The following BCL2L14 variants were observed in gnomAD, a reference collection of about 807,000 sequenced individuals.
The protein encoded by BCL2L14 is BCL2 like 14.
BCL2L14 carries 27 observed loss-of-function variants against 35.3 expected under a neutral mutation model. The ratio of observed to expected loss-of-function variants is 0.76; its 90% CI spans 0.56 to 1.05. The LOEUF (loss-of-function observed/expected upper bound fraction) is 1.05. BCL2L14 is among the 50% of genes least tolerant of loss of function. The pLI, the probability that BCL2L14 is intolerant of heterozygous loss-of-function variation, is 0.00. For synonymous variants in BCL2L14, 139 were observed against 145.9 expected, an observed-to-expected ratio of 0.95 and a Z score of 0.34; for missense variants, 377 against 382.6, an observed-to-expected ratio of 0.99 and a Z score of 0.12.
At chr12:12,066,715 A>AT (rs1308425590), upstream of BCL2L14, among the ~76,000 whole-genome samples, 26 of 149,718 alleles carry the variant, frequency 1.7e-4, no homozygotes, top group South Asian at 4.6e-3. Flanking sequence ...TATTATTATT[A>AT]TTTTTTTTTT....
At chr12:12,070,341 C>T (rs1332568136), upstream of BCL2L14, among the ~76,000 whole-genome samples, 1 of 152,204 alleles carries the variant, frequency 6.6e-6, no homozygotes, top group Non-Finnish European at 1.5e-5. Flanking sequence ...GCCTCAGTTT[C>T]CTCATCTGTG....
chr12:12,078,054 A>ATGCT, intron 1 of BCL2L14: 1 of 382,060 alleles, frequency 2.6e-6, no homozygotes, highest in South Asian at 1.9e-5. Context: ...TAAAGAAGAA[A>ATGCT]TGCTTGCATC....
chr12:12,075,861 T>C (rs1948769839), intron 1 of BCL2L14, among the ~76,000 whole-genome samples: 1 of 152,076 alleles, frequency 6.6e-6, no homozygotes, highest in Non-Finnish European at 1.5e-5. Flanking sequence ...AGCTGCCTTC[T>C]TGTGGTCATT....
intron 2 of BCL2L14, among the ~76,000 whole-genome samples, chr12:12,082,669 T>C (rs1276892809): frequency 6.6e-6 from 1 of 152,228 alleles, no homozygotes; most frequent in Admixed American, 6.5e-5. Flanking sequence ...AACACTTAGG[T>C]GATGTGTTAA....
rs183969279 is a variant in BCL2L14 at position 12,098,251 on chromosome 12, G to A, written c.946-699G>A. Among the ~76,000 whole-genome samples the A allele has an allele frequency of 7.0e-3, 1,066 of 152,186 alleles. 4 individuals are homozygous for A. Among genetic ancestry groups the A allele is most frequent in the Admixed American group, 0.012 (177 of 15,274 alleles). ...TCTCTGCTGTCCTTGTAGTAGTGTG[G>A]GAGGAGAGAAATCTAGTCCCATGCA... On this transcript the variant is annotated intron_variant, in intron 5 of 5. Transcript: ENST00000308721.
intron 4 of BCL2L14, among the ~76,000 whole-genome samples, chr12:12,093,574 C>T (rs1949243906): frequency 6.6e-6 from 1 of 152,094 alleles, no homozygotes; most frequent in Non-Finnish European, 1.5e-5. Flanking sequence ...AGGTGGATCA[C>T]CTAAGGTTAG....
At chr12:12,090,619 G>A (rs1416316899) in intron 3 of BCL2L14, among the ~76,000 whole-genome samples, 160 bp from the exon 4 acceptor site, 1 of 148,916 alleles carries the variant, frequency 6.7e-6, no homozygotes, top group African/African-American at 2.5e-5. Context: ...GGCAACAAGA[G>A]CAAAACTCTG....
chr12:12,050,432 C>CAA lies in BCL2L14; in HGVS notation c.-324+494_-324+495dup, dbSNP rs774928633. On this transcript the variant is annotated intron_variant, in intron 1 of 3. Coordinates refer to the BCL2L14 transcript ENST00000461264. Reference sequence around the variant, plus strand: ...TGGGCGACAGAGGGAGACACCATCTCAAAAAAAAAAAAAAAAAGAAAAGAA... The same window carrying CAA: ...TGGGCGACAGAGGGAGACACCATCTCAAAAAAAAAAAAAAAAAAAGAAAAGAA... 3.5e-3 allele frequency among the ~76,000 whole-genome samples: 243 copies of CAA among 70,088 alleles called. 2 individuals are homozygous for CAA. The highest frequency in any genetic ancestry group is 7.3e-3 in the African/African-American group (168 of 22,878). The allele number at this position is 70,088 out of a possible 152,430, so 46.0% of individuals were successfully genotyped here. A position where few individuals can be genotyped will look rare whatever the true frequency, so the allele number is the denominator to read the frequency against.
intron 2 of BCL2L14, among the ~76,000 whole-genome samples, chr12:12,080,286 C>A (rs1948887730): frequency 6.6e-6 from 1 of 151,658 alleles, no homozygotes; most frequent in Non-Finnish European, 1.5e-5. Context: ...TATAAATAAG[C>A]TTGTTTCCCA....
chr12:12,084,135 T>A (rs1374362226), intron 2 of BCL2L14, among the ~76,000 whole-genome samples: 1 of 152,210 alleles, frequency 6.6e-6, no homozygotes, highest in African/African-American at 2.4e-5. Flanking sequence ...TATTATTTTT[T>A]AATCTTTTGT....
intron 2 of BCL2L14, among the ~76,000 whole-genome samples, chr12:12,083,236 T>G (rs1279194536): frequency 2.0e-4 from 31 of 152,180 alleles, no homozygotes; most frequent in Admixed American, 2.0e-3. Flanking sequence ...AGTGCTGGGA[T>G]TACAGGCGTG....
chr12:12,080,031 C>T (rs749378446), intron 2 of BCL2L14, among the ~76,000 whole-genome samples: 6 of 152,096 alleles, frequency 3.9e-5, no homozygotes, highest in African/African-American at 4.8e-5. Flanking sequence ...GGTAAAACCC[C>T]GTCTCCACTA....
chr12:12,085,296 C>T (rs1949018607), intron 2 of BCL2L14, among the ~76,000 whole-genome samples: 1 of 152,104 alleles, frequency 6.6e-6, no homozygotes, highest in Admixed American at 6.6e-5. Context: ...AGATGAGCTG[C>T]ACAAGGTTGA....
chr12:12,063,918 C>T (rs1948563346), intron 2 of BCL2L14, among the ~76,000 whole-genome samples: 1 of 151,868 alleles, frequency 6.6e-6, no homozygotes, highest in Admixed American at 6.6e-5. Flanking sequence ...CAGAGAACAA[C>T]CCCCCTTCTT....
chr12:12,066,302 T>C (rs1045800991), upstream of BCL2L14, among the ~76,000 whole-genome samples: 4 of 152,338 alleles, frequency 2.6e-5, no homozygotes, highest in African/African-American at 4.8e-5. Context: ...TCCTATTTCA[T>C]TGAGTTTCAT....
At chr12:12,079,767 G>C (rs546811816) in intron 2 of BCL2L14, 29 bp downstream of exon 2, 1 of 1,594,432 alleles carries the variant, frequency 6.3e-7, no homozygotes, top group East Asian at 2.2e-5. Flanking sequence ...TTTCTCTCCC[G>C]CTTCCTGGTT....
Position 12,079,476 on chromosome 12 carries a change from C to G in BCL2L14, c.171C>G (p.Gly57=). ...LLRTRSLSQR[G]LGNCSANESW... is the part of the protein sequence containing the mutation. ...GAACAAGAAGTTTGTCCCAGAGGGG[C>G]CTGGGGAATTGTTCAGCAAATGAGT... The change falls in exon 2 of 6, where the codon GGC becomes GGG. Residue 57 remains glycine, a synonymous_variant. Transcript: ENST00000308721. 1 of 1,614,256 alleles carries G rather than the reference C, an allele frequency of 6.2e-7. No homozygotes were observed. The highest frequency in any genetic ancestry group is 8.5e-7 in the Non-Finnish European group (1 of 1,180,052).
chr12:12,079,638 G>A lies in BCL2L14; in HGVS notation c.333G>A (p.Lys111=). The A allele has an allele frequency of 1.2e-6, 2 of 1,614,186 alleles. No homozygotes were observed. Among genetic ancestry groups the A allele is most frequent in the Non-Finnish European group, 1.7e-6 (2 of 1,180,038 alleles). ...AAGATTCGCAGAGCACGCCTGCCAA[G>A]GTCTCTGCTCAGGGTCAAAGGACGT... ...EKEDSQSTPA[K]VSAQGQRTLE... is the part of the protein sequence containing the mutation. The change falls in exon 2 of 6, where the codon AAG becomes AAA. Residue 111 remains lysine (K), a synonymous_variant. Coordinates refer to ENST00000308721, the MANE Select transcript of BCL2L14 (RefSeq NM_138723.2).
chr12:12,095,422 A>T (rs899429521), intron 5 of BCL2L14: 5 of 985,236 alleles, frequency 5.1e-6, no homozygotes, highest in Non-Finnish European at 6.0e-6. Flanking sequence ...GATACCAAAT[A>T]AAAAGCCAAC....
Sources: gnomAD v4.1 joint callset for allele counts (sites outside exome capture counted in the v4.1 genomes callset) on GRCh38, gnomAD v4.1.1 for gene constraint, MANE v1.5 for transcripts, NCBI Gene and HGNC (gene_info 2026-07-23, HGNC 2026-07-21) for gene names.